The following MAST4 variants were observed in gnomAD, a reference collection of about 807,000 sequenced individuals.
The protein encoded by MAST4 is microtubule associated serine/threonine kinase family member 4.
Under a neutral mutation model 162.7 loss-of-function variants are expected in MAST4, and 89 were observed. That is an observed-to-expected ratio of 0.55 (90% CI 0.46 to 0.65). The LOEUF (loss-of-function observed/expected upper bound fraction) is 0.65. Among genes scored for constraint, MAST4 ranks in the 30% least tolerant of loss-of-function variants. MAST4 has a pLI of 0.00. For missense variants in MAST4, 3,153 were observed against 3,374.0 expected, an observed-to-expected ratio of 0.93 and a Z score of 1.62; for synonymous variants, 1,479 against 1,361.1, an observed-to-expected ratio of 1.09 and a Z score of -1.91.
chr5:67,162,550 G>C lies in MAST4; in HGVS notation c.3786-57G>C, dbSNP rs1180885345. The C allele has an allele frequency of 4.6e-6, 7 of 1,519,824 alleles. No individual in the cohort carries two copies. The East Asian group carries it at 1.6e-4, about 34-fold the overall frequency. The allele number at this position is 1,519,824 out of a possible 1,614,324, so 94.1% of individuals were successfully genotyped here. On this transcript the variant is annotated intron_variant, in intron 27 of 28. Coordinates refer to ENST00000403625, the MANE Select transcript of MAST4 (RefSeq NM_001164664.2). ...TTGAGCTGAGCACAATGGTATTTTG[G>C]GGAGGCAGCAATAGTTCTGAAAGAA...
chr5:66,983,085 C>T (rs1083523), intron 4 of MAST4, among the ~76,000 whole-genome samples: 67,480 of 152,000 alleles, frequency 0.44, 16,568 homozygotes, highest in East Asian at 0.64. Context: ...GACTTCATTT[C>T]GTGGAGGTAG....
chr5:66,796,354 C>G (rs1290868136), intron 3 of MAST4, among the ~76,000 whole-genome samples: 1 of 152,118 alleles, frequency 6.6e-6, no homozygotes, highest in Non-Finnish European at 1.5e-5. Flanking sequence ...AATGAAATTC[C>G]ACTCAGCGCA....
intron 2 of MAST4, among the ~76,000 whole-genome samples, chr5:66,770,339 A>C (rs1460114213): frequency 6.6e-6 from 1 of 152,190 alleles, no homozygotes; most frequent in Non-Finnish European, 1.5e-5. Context: ...GTAAGGTCTC[A>C]TGAGACCTAG....
chr5:66,916,838 C>A lies in MAST4; in HGVS notation c.674+16856C>A, dbSNP rs1580865662. 40 of 579,280 alleles carry A rather than the reference C, an allele frequency of 6.9e-5. No individual in the cohort carries two copies. In the East Asian group the frequency reaches 1.1e-3, roughly 16 times the overall value. 35.9% of individuals were successfully genotyped at this position (579,280 alleles called of 1,614,324 possible). A position where few individuals can be genotyped will look rare whatever the true frequency, so the allele number is the denominator to read the frequency against. The stretch of plus-strand genomic sequence containing the variant: ...TATTATGTTCTACATTATAGATATA[C>A]CACATTTTATTTAACCATTTTCCTA... On this transcript the variant is annotated intron_variant, in intron 4 of 28. Coordinates refer to ENST00000403625, the MANE Select transcript of MAST4 (RefSeq NM_001164664.2).
At chr5:67,089,422 G>A (rs1195341606) in intron 5 of MAST4, among the ~76,000 whole-genome samples, 1 of 152,134 alleles carries the variant, frequency 6.6e-6, no homozygotes, top group Non-Finnish European at 1.5e-5. Context: ...CACCACCCCT[G>A]AAGGCCTGGG....
At chr5:67,011,902 G>C (rs1278100932) in intron 4 of MAST4, among the ~76,000 whole-genome samples, 1 of 152,158 alleles carries the variant, frequency 6.6e-6, no homozygotes, top group Non-Finnish European at 1.5e-5. Context: ...ATGTGTGAGA[G>C]TGCAAAAAGT....
At chr5:66,634,711 A>G (rs901429669) in intron 1 of MAST4, among the ~76,000 whole-genome samples, 1 of 152,190 alleles carries the variant, frequency 6.6e-6, no homozygotes, top group African/African-American at 2.4e-5. Context: ...AGCAATGAGC[A>G]ATGGAAGTTG....
intron 4 of MAST4, among the ~76,000 whole-genome samples, chr5:67,033,447 T>C (rs1755629884): frequency 6.6e-6 from 1 of 151,560 alleles, no homozygotes; most frequent in Admixed American, 6.6e-5. Context: ...CATAGTATAT[T>C]GCAACATAGG....
At chr5:67,094,149 T>C in intron 6 of MAST4, 1 of 1,497,370 alleles carries the variant, frequency 6.7e-7, no homozygotes, top group Non-Finnish European at 9.1e-7. Flanking sequence ...ACTCCAATCA[T>C]GGTACAGAAA....
chr5:66,985,236 C>T (rs2150254246), intron 4 of MAST4, among the ~76,000 whole-genome samples: 1 of 152,168 alleles, frequency 6.6e-6, no homozygotes, highest in East Asian at 1.9e-4. Context: ...TGATGCTGAT[C>T]CTTCATTAGG....
chr5:66,630,861 T>C (rs910337015), intron 1 of MAST4, among the ~76,000 whole-genome samples: 2 of 152,204 alleles, frequency 1.3e-5, no homozygotes, highest in Non-Finnish European at 2.9e-5. Flanking sequence ...TAACATTGGC[T>C]CAGGAATAAC....
chr5:66,712,747 T>C (rs2149525958), intron 1 of MAST4, among the ~76,000 whole-genome samples: 1 of 152,262 alleles, frequency 6.6e-6, no homozygotes, highest in Middle Eastern at 3.4e-3. Context: ...AGTTTCCTTT[T>C]AGAAGGAAAA....
At chr5:66,809,527 A>T (rs1235003821) in intron 3 of MAST4, among the ~76,000 whole-genome samples, 1 of 152,114 alleles carries the variant, frequency 6.6e-6, no homozygotes, top group African/African-American at 2.4e-5. Context: ...AAATACAGGG[A>T]TATATGAGAA....
intron 3 of MAST4, among the ~76,000 whole-genome samples, chr5:66,814,059 G>C (rs1394743602): frequency 6.6e-6 from 1 of 152,182 alleles, no homozygotes; most frequent in Non-Finnish European, 1.5e-5. Context: ...GACCTGTGTG[G>C]GTTAAGAGGA....
chr5:66,715,250 G>A (rs7709331), intron 1 of MAST4, among the ~76,000 whole-genome samples: 2,305 of 152,220 alleles, frequency 0.015, 61 homozygotes, highest in African/African-American at 0.052. Context: ...GTTGTATAGA[G>A]GGCATGAATC....
chr5:66,872,859 GT>G (rs1195478253), intron 3 of MAST4, among the ~76,000 whole-genome samples: 2 of 152,178 alleles, frequency 1.3e-5, no homozygotes, highest in East Asian at 3.9e-4. Flanking sequence ...GATCAGTGGT[GT>G]TTTAAGGACT....
chr5:66,897,297 A>G (rs757594198), intron 3 of MAST4, among the ~76,000 whole-genome samples: 3 of 152,162 alleles, frequency 2.0e-5, no homozygotes, highest in Non-Finnish European at 4.4e-5. Flanking sequence ...TTATCTAAGT[A>G]TGTGTTAGTG....
At chr5:66,642,800 G>C (rs1745572315) in intron 1 of MAST4, among the ~76,000 whole-genome samples, 1 of 152,200 alleles carries the variant, frequency 6.6e-6, no homozygotes, top group South Asian at 2.1e-4. Context: ...TATTGGTTCT[G>C]AATTGTGTAT....
chr5:66,828,339 C>T (rs1415335880), intron 3 of MAST4, among the ~76,000 whole-genome samples: 2 of 152,060 alleles, frequency 1.3e-5, no homozygotes, highest in South Asian at 2.1e-4. Context: ...AAGAGATGAG[C>T]GCCAGGCATA....
Sources: gnomAD v4.1 joint callset for allele counts (sites outside exome capture counted in the v4.1 genomes callset) on GRCh38, gnomAD v4.1.1 for gene constraint, MANE v1.5 for transcripts, NCBI Gene and HGNC (gene_info 2026-07-23, HGNC 2026-07-21) for gene names.